CDC14A: variants seen among roughly 807,000 people sequenced by gnomAD.
The protein encoded by CDC14A is dual specificity protein phosphatase CDC14A.
CDC14A carries 53 observed loss-of-function variants against 74.4 expected under a neutral mutation model. The ratio of observed to expected loss-of-function variants is 0.71; its 90% confidence interval spans 0.57 to 0.89. The LOEUF (loss-of-function observed/expected upper bound fraction) is 0.89, where lower values mean the gene tolerates loss of function less well. Ranked by LOEUF, CDC14A falls within the 40% of genes least tolerant of loss-of-function variation. The pLI is 0.00. For synonymous variants in CDC14A, 247 were observed against 258.4 expected (o/e 0.96, Z 0.43); for missense variants, 646 against 713.7 (o/e 0.91, Z 1.08).
chr1:100,365,890 G>A (rs28361195), intron 2 of CDC14A, among the ~76,000 whole-genome samples: 1,729 of 151,748 alleles, frequency 0.011, 31 homozygotes, highest in African/African-American at 0.04. Flanking sequence ...TAGGGAAACT[G>A]TTAGGTAATG....
intron 4 of CDC14A, among the ~76,000 whole-genome samples, chr1:100,394,896 A>G (rs1044600054): frequency 6.6e-6 from 1 of 152,220 alleles, no homozygotes; most frequent in African/African-American, 2.4e-5. Flanking sequence ...AATATCCATT[A>G]TACATATATC....
At chr1:100,458,412 T>C (rs1265510879) in intron 8 of CDC14A, among the ~76,000 whole-genome samples, 1 of 152,224 alleles carries the variant, frequency 6.6e-6, no homozygotes, top group Non-Finnish European at 1.5e-5. Context: ...ATTCTATGCA[T>C]GTATTGTGCC....
At chr1:100,452,205 G>A (rs553459686) in intron 7 of CDC14A, among the ~76,000 whole-genome samples, 110 of 152,222 alleles carry the variant, frequency 7.2e-4, no homozygotes, top group African/African-American at 2.4e-3. Flanking sequence ...AGTCACAAAT[G>A]CATTTCTTAG....
At chr1:100,403,171 C>T (rs1425485250) in intron 4 of CDC14A, among the ~76,000 whole-genome samples, 2 of 152,192 alleles carry the variant, frequency 1.3e-5, no homozygotes, top group East Asian at 3.8e-4. Context: ...CCATAAGAAA[C>T]ACATTTTACA....
At chr1:100,373,287 G>C (rs1027442882) in intron 2 of CDC14A, among the ~76,000 whole-genome samples, 1 of 152,224 alleles carries the variant, frequency 6.6e-6, no homozygotes, top group Non-Finnish European at 1.5e-5. Context: ...GGAATGGCTA[G>C]TTGGTGAAGC....
intron 4 of CDC14A, among the ~76,000 whole-genome samples, chr1:100,413,671 T>C (rs770199728): frequency 4.7e-4 from 71 of 152,214 alleles, no homozygotes; most frequent in Non-Finnish European, 6.6e-4. Flanking sequence ...TTCCTCCTGT[T>C]ATTCCCAGAA....
chr1:100,389,325 G>T (rs542221044), intron 3 of CDC14A, among the ~76,000 whole-genome samples: 1 of 151,852 alleles, frequency 6.6e-6, no homozygotes, highest in East Asian at 1.9e-4. Context: ...GGGCGTGGTT[G>T]TGGGTGCCTG....
intron 2 of CDC14A, among the ~76,000 whole-genome samples, chr1:100,365,005 C>T (rs562173055): frequency 6.6e-6 from 1 of 152,338 alleles, no homozygotes; most frequent in Non-Finnish European, 1.5e-5. Context: ...AGAATGGTTC[C>T]TCACCCTCTG....
chr1:100,402,980 G>A (rs985606863), intron 4 of CDC14A, among the ~76,000 whole-genome samples: 11 of 152,164 alleles, frequency 7.2e-5, no homozygotes, highest in South Asian at 4.1e-4. Context: ...CAAAACTTTC[G>A]TGTACCAACC....
At position 100,502,792 on chromosome 1, in the gene CDC14A, C is replaced by T. The variant is rs372112702; in HGVS notation, c.1755+3530C>T. ...ACATAACTTGATTTGGGTCTCGTTC[C>T]GTATTTTGTTATTTCTTTTCACTTC... On this transcript the variant is annotated intron_variant, in intron 15 of 15. Transcript: ENST00000336454. Among the ~76,000 whole-genome samples the T allele has an allele frequency of 3.6e-4, 55 of 152,216 alleles. 2 individuals carry two copies. The highest frequency in any genetic ancestry group is 1.0e-3 in the Admixed American group (16 of 15,296).
intron 15 of CDC14A, among the ~76,000 whole-genome samples, chr1:100,515,615 C>A (rs76246701): frequency 0.01 from 1,566 of 152,094 alleles, 36 homozygotes; most frequent in African/African-American, 0.037. Flanking sequence ...GAACTCCTAA[C>A]CTCAGATGAT....
intron 2 of CDC14A, among the ~76,000 whole-genome samples, chr1:100,377,053 G>A (rs1232734293): frequency 1.4e-5 from 2 of 144,412 alleles, no homozygotes; most frequent in East Asian, 2.0e-4. Context: ...TTTTTTTTGC[G>A]ATGGAGTTTC....
At chr1:100,355,163 T>C (rs1488430299) in intron 2 of CDC14A, among the ~76,000 whole-genome samples, 1 of 152,210 alleles carries the variant, frequency 6.6e-6, no homozygotes, top group African/African-American at 2.4e-5. Context: ...TGTACCTGGA[T>C]GATGTCACTG....
chr1:100,379,906 A>C lies in CDC14A; in HGVS notation c.216+2285A>C, dbSNP rs1655845748. ...TAACAACAAAATCTTGGGGGAACTA[A>C]GAGTGAAAACCCACTCAATCCCCTC... is the stretch of plus-strand genomic sequence containing the variant. On this transcript the variant is annotated intron_variant, in intron 3 of 15. Coordinates refer to ENST00000336454, the MANE Select transcript of CDC14A (RefSeq NM_003672.4). Among the ~76,000 whole-genome samples the C allele has an allele frequency of 2.0e-5, 3 of 152,120 alleles. No individual in the cohort carries two copies. The South Asian group carries it at 6.2e-4, about 32-fold the overall frequency.
intron 10 of CDC14A, among the ~76,000 whole-genome samples, chr1:100,472,682 T>C (rs966450476): frequency 2.0e-5 from 3 of 151,978 alleles, no homozygotes; most frequent in African/African-American, 7.2e-5. Context: ...TTCTAAAAAG[T>C]TTATAGTTTT....
At chr1:100,492,163 T>C (rs377048910) in intron 11 of CDC14A, among the ~76,000 whole-genome samples, 1 of 152,166 alleles carries the variant, frequency 6.6e-6, no homozygotes, top group African/African-American at 2.4e-5. Flanking sequence ...GAGAGAAAAA[T>C]ACATGCAAAG....
At chr1:100,443,900 C>T (rs1665240928) in intron 7 of CDC14A, among the ~76,000 whole-genome samples, 1 of 152,084 alleles carries the variant, frequency 6.6e-6, no homozygotes, top group South Asian at 2.1e-4. Context: ...TGAGTAGGTT[C>T]AACATTCTCG....
intron 5 of CDC14A, among the ~76,000 whole-genome samples, chr1:100,432,887 C>T (rs1663878632): frequency 6.6e-6 from 1 of 151,878 alleles, no homozygotes; most frequent in African/African-American, 2.4e-5. Context: ...TATACTTTCT[C>T]CTTTATTTAT....
At chr1:100,429,517 C>T (rs957186643) in intron 5 of CDC14A, among the ~76,000 whole-genome samples, 7 of 150,884 alleles carry the variant, frequency 4.6e-5, no homozygotes, top group Non-Finnish European at 1.0e-4. Context: ...TATCTGCATA[C>T]GTGGGGAGCT....
Sources: allele counts gnomAD v4.1 joint callset (sites outside exome capture counted in the v4.1 genomes callset), GRCh38; gene constraint gnomAD v4.1.1; transcripts MANE v1.5; gene names NCBI Gene and HGNC (gene_info 2026-07-23, HGNC 2026-07-21).